Variants in SGCD observed in about 807,000 individuals in gnomAD.
SGCD encodes the protein sarcoglycan delta.
SGCD carries 18 observed loss-of-function variants against 36.6 expected under a neutral mutation model. That is an observed-to-expected ratio of 0.49 (90% CI 0.34 to 0.73). SGCD has a LOEUF of 0.73. Among genes scored for constraint, SGCD ranks in the 30% least tolerant of loss-of-function variants. SGCD has a pLI of 0.01. For synonymous variants in SGCD, 133 were observed against 130.6 expected, an observed-to-expected ratio of 1.02 and a Z score of -0.12; for missense variants, 387 against 346.7, an observed-to-expected ratio of 1.12 and a Z score of -0.92.
the SGCD span, among the ~76,000 whole-genome samples, chr5:155,835,449 C>T: frequency 2.0e-5 from 3 of 152,060 alleles, no homozygotes; most frequent in East Asian, 5.8e-4. Context: ...CTACTGTGTT[C>T]CCCCAGAGAA....
intron 1 of SGCD, among the ~76,000 whole-genome samples, chr5:156,089,614 C>T (rs1414294852): frequency 1.3e-5 from 2 of 152,140 alleles, no homozygotes; most frequent in East Asian, 3.8e-4. Context: ...TTCTTACTGG[C>T]CTTGGGTATT....
At chr5:156,670,021 A>G (rs1422192431) in intron 7 of SGCD, among the ~76,000 whole-genome samples, 1 of 152,194 alleles carries the variant, frequency 6.6e-6, no homozygotes, top group Non-Finnish European at 1.5e-5. Context: ...CATCACGACC[A>G]GCCCGTTTTC....
At chr5:156,275,294 G>T (rs1003597458) in intron 3 of SGCD, among the ~76,000 whole-genome samples, 4 of 152,010 alleles carry the variant, frequency 2.6e-5, no homozygotes, top group South Asian at 2.1e-4. Context: ...ACACCACATG[G>T]GGTATAGAAG....
At chr5:156,560,983 C>T (rs574710211) in intron 4 of SGCD, among the ~76,000 whole-genome samples, 29 of 152,214 alleles carry the variant, frequency 1.9e-4, no homozygotes, top group Admixed American at 5.2e-4. Context: ...TCAATAATTG[C>T]TACTATTGTA....
chr5:155,951,464 A>G (rs1349915836), intron 1 of SGCD, among the ~76,000 whole-genome samples: 1 of 152,208 alleles, frequency 6.6e-6, no homozygotes, highest in Non-Finnish European at 1.5e-5. Context: ...TATAAAATAA[A>G]AAACTACCCT....
chr5:156,563,212 C>T (rs957750782), intron 4 of SGCD, among the ~76,000 whole-genome samples: 1 of 152,070 alleles, frequency 6.6e-6, no homozygotes, highest in South Asian at 2.1e-4. Context: ...GATTTACTGA[C>T]CTCAGGTGAT....
At chr5:156,289,564 T>C (rs568526819) in intron 3 of SGCD, among the ~76,000 whole-genome samples, 2 of 152,208 alleles carry the variant, frequency 1.3e-5, no homozygotes, top group Admixed American at 1.3e-4. Flanking sequence ...AAGCAACCTC[T>C]TTCTATTGCT....
At position 156,431,329 on chromosome 5, in the gene SGCD, T is replaced by A. The variant is rs866332917; in HGVS notation, c.193-77272T>A. On this transcript the variant is annotated intron_variant, in intron 3 of 8. Transcript: ENST00000337851. Reference sequence around the variant, plus strand: ...TTTTCTTAAGATCTGATTATCTCGATTATCTCCTCCTGTGGGGTTGCCCTC... The same window carrying A: ...TTTTCTTAAGATCTGATTATCTCGAATATCTCCTCCTGTGGGGTTGCCCTC... Among the ~76,000 whole-genome samples, 3 of 152,290 alleles carry A rather than the reference T, an allele frequency of 2.0e-5. No individual in the cohort carries two copies. The South Asian group carries it at 6.2e-4, about 32-fold the overall frequency.
chr5:156,626,559 A>T (rs936917013), intron 6 of SGCD, among the ~76,000 whole-genome samples: 1 of 152,108 alleles, frequency 6.6e-6, no homozygotes, highest in Non-Finnish European at 1.5e-5. Context: ...GAGCACAATG[A>T]CCTATTTTTG....
intron 1 of SGCD, among the ~76,000 whole-genome samples, chr5:156,021,995 C>G (rs1581046661): frequency 6.6e-6 from 1 of 152,066 alleles, no homozygotes; most frequent in African/African-American, 2.4e-5. Flanking sequence ...TTTCATCACC[C>G]CCAAAAGAAA....
At chr5:156,680,991 C>T (rs534117085) in intron 7 of SGCD, among the ~76,000 whole-genome samples, 1 of 152,098 alleles carries the variant, frequency 6.6e-6, no homozygotes, top group Admixed American at 6.5e-5. Context: ...TGGAACCAGC[C>T]GGTCGCTCCT....
chr5:156,103,989 T>C (rs543339461), intron 1 of SGCD, among the ~76,000 whole-genome samples: 6 of 152,270 alleles, frequency 3.9e-5, no homozygotes, highest in African/African-American at 9.6e-5. Flanking sequence ...TTTTGTTTTT[T>C]CCTATGTATA....
intron 1 of SGCD, among the ~76,000 whole-genome samples, chr5:156,056,645 T>TAAAAAAAAAAAAAAAAAAAAA (rs561328077): frequency 2.9e-5 from 2 of 68,258 alleles, no homozygotes; most frequent in African/African-American, 1.4e-4. Flanking sequence ...AAATTATCCT[T>TAAAAAAAAAAAAAAAAAAAAA]AAAAAAAAAA....
chr5:156,396,196 G>A (rs186704020), intron 3 of SGCD, among the ~76,000 whole-genome samples: 32 of 152,278 alleles, frequency 2.1e-4, no homozygotes, highest in African/African-American at 6.3e-4. Flanking sequence ...GAGATTCGGC[G>A]TGGGCAAAGA....
At chr5:156,708,143 GTAATAGCTTCTAGA>G (rs1299137629) in intron 7 of SGCD, among the ~76,000 whole-genome samples, 1 of 152,084 alleles carries the variant, frequency 6.6e-6, no homozygotes, top group Non-Finnish European at 1.5e-5. Flanking sequence ...CTTTTGGTAT[GTAATAGCTTCTAGA>G]TAAAGCATTG....
chr5:155,942,083 A>G (rs1256203662), intron 1 of SGCD, among the ~76,000 whole-genome samples: 2 of 152,148 alleles, frequency 1.3e-5, no homozygotes, highest in Admixed American at 6.5e-5. Flanking sequence ...CAGCCTTCCC[A>G]CAGATAGCAA....
chr5:156,156,403 C>G (rs1762964807), intron 3 of SGCD, among the ~76,000 whole-genome samples: 1 of 151,472 alleles, frequency 6.6e-6, no homozygotes, highest in Non-Finnish European at 1.5e-5. Context: ...CTGAGGTGGG[C>G]AGATCGCTTG....
chr5:156,739,063 A>G (rs1439216402), intron 7 of SGCD, among the ~76,000 whole-genome samples: 2 of 152,252 alleles, frequency 1.3e-5, no homozygotes, highest in African/African-American at 4.8e-5. Context: ...TTTAAGATAT[A>G]TTAAGAGGGG....
At chr5:156,607,184 G>T (rs2113441549) in intron 6 of SGCD, among the ~76,000 whole-genome samples, 1 of 152,322 alleles carries the variant, frequency 6.6e-6, no homozygotes, top group African/African-American at 2.4e-5. Context: ...CTGTGGGTTT[G>T]TCATAGATAG....
Sources: gnomAD v4.1 joint callset for allele counts (sites outside exome capture counted in the v4.1 genomes callset) on GRCh38, gnomAD v4.1.1 for gene constraint, MANE v1.5 for transcripts, NCBI Gene and HGNC (gene_info 2026-07-23, HGNC 2026-07-21) for gene names.